PDIA5: variants seen among roughly 807,000 people sequenced by gnomAD.
The protein encoded by PDIA5 is protein disulfide-isomerase A5.
A neutral mutation model predicts 77.6 loss-of-function variants in PDIA5; 58 were observed. That is an observed-to-expected ratio of 0.75 (90% CI 0.61 to 0.93). The LOEUF (loss-of-function observed/expected upper bound fraction) is 0.93. PDIA5 is among the 40% of genes least tolerant of loss of function. The probability of loss-of-function intolerance (pLI) is 0.00; values close to 1 mark genes in which losing one functional copy is unlikely to be tolerated. For missense variants in PDIA5, 630 were observed against 647.7 expected (o/e 0.97, Z 0.30); for synonymous variants, 250 against 252.1 (o/e 0.99, Z 0.08).
chr3:123,069,338 A>C (rs1288479353), intron 1 of PDIA5, among the ~76,000 whole-genome samples: 3 of 152,160 alleles, frequency 2.0e-5, no homozygotes, highest in African/African-American at 7.2e-5. Flanking sequence ...AGGGATATAC[A>C]CCCACCACAT....
At chr3:123,111,074 G>GT in intron 7 of PDIA5, 70 bp downstream of exon 7, 1 of 938,770 alleles carries the variant, frequency 1.1e-6, no homozygotes, top group Non-Finnish European at 1.7e-6. Context: ...GCAGGTGGGG[G>GT]TTGCGGGCGG....
intron 15 of PDIA5, among the ~76,000 whole-genome samples, chr3:123,157,006 C>T (rs1936036139): frequency 6.6e-6 from 1 of 152,170 alleles, no homozygotes; most frequent in Admixed American, 6.5e-5. Context: ...CCTTGATGCT[C>T]CCCTCCGCTT....
intron 1 of PDIA5, among the ~76,000 whole-genome samples, chr3:123,069,001 C>G (rs1221416577): frequency 6.6e-6 from 1 of 152,150 alleles, no homozygotes; most frequent in Non-Finnish European, 1.5e-5. Flanking sequence ...CCAGGAGGTG[C>G]GGAAGAGCAG....
intron 8 of PDIA5, among the ~76,000 whole-genome samples, chr3:123,123,065 A>C (rs1935156913): frequency 6.6e-6 from 1 of 152,174 alleles, no homozygotes; most frequent in African/African-American, 2.4e-5. Flanking sequence ...GCTTGAGCCC[A>C]GGAGTTGGAA....
intron 4 of PDIA5, 112 bp from the exon 5 acceptor site, chr3:123,102,639 A>C: frequency 1.8e-6 from 2 of 1,111,634 alleles, no homozygotes; most frequent in Non-Finnish European, 1.3e-6. Flanking sequence ...TTTAAAAAAA[A>C]ATCCTGAACT....
intron 5 of PDIA5, among the ~76,000 whole-genome samples, chr3:123,106,296 A>AGTTTT (rs1934731133): frequency 6.6e-6 from 1 of 152,240 alleles, no homozygotes; most frequent in Non-Finnish European, 1.5e-5. Context: ...ATGGGATGAC[A>AGTTTT]GTTTTAGTGG....
intron 15 of PDIA5, among the ~76,000 whole-genome samples, chr3:123,157,374 G>A (rs184111265): frequency 4.9e-4 from 74 of 152,284 alleles, no homozygotes; most frequent in Non-Finnish European, 1.2e-4. Context: ...GGAAATTTGT[G>A]GTTTTTAAGA....
intron 4 of PDIA5, 41 bp from the exon 5 acceptor site, chr3:123,102,710 A>T (rs374764585): frequency 1.0e-5 from 15 of 1,497,206 alleles, no homozygotes; most frequent in Non-Finnish European, 1.4e-5. Flanking sequence ...TATCTTCACA[A>T]CCATTCTTAA....
Position 123,067,218 on chromosome 3 carries a change from G to A in PDIA5, c.42+12G>A. Reference sequence around the variant, plus strand: ...TGCTGGCAATCTGGGTGAGACTGTGGGGCAGGGATCCGGGCCGGGCCAGCA... The same window carrying A: ...TGCTGGCAATCTGGGTGAGACTGTGAGGCAGGGATCCGGGCCGGGCCAGCA... On this transcript the variant is annotated intron_variant, in intron 1 of 16. Transcript: ENST00000316218. 1 of 1,245,504 alleles carries A rather than the reference G, an allele frequency of 8.0e-7. No homozygotes were observed. Among genetic ancestry groups the A allele is most frequent in the South Asian group, 4.0e-5 (1 of 24,890 alleles). 77.2% of individuals were successfully genotyped at this position (1,245,504 alleles called of 1,614,324 possible).
At chr3:123,097,142 T>C (rs1934464664) in intron 3 of PDIA5, among the ~76,000 whole-genome samples, 1 of 152,236 alleles carries the variant, frequency 6.6e-6, no homozygotes. Flanking sequence ...TAAAGACTTA[T>C]GTTTTTTCCT....
intron 14 of PDIA5, among the ~76,000 whole-genome samples, chr3:123,151,027 A>T (rs1030998417): frequency 1.3e-5 from 2 of 152,234 alleles, no homozygotes; most frequent in East Asian, 3.8e-4. Flanking sequence ...AGTGAGGATA[A>T]TAAAAGCTGC....
intron 14 of PDIA5, among the ~76,000 whole-genome samples, chr3:123,151,865 C>T (rs1171562944): frequency 6.8e-6 from 1 of 147,928 alleles, no homozygotes; most frequent in African/African-American, 2.5e-5. Context: ...GCCCTCCTTC[C>T]TTCCTGCCCG....
intron 10 of PDIA5, among the ~76,000 whole-genome samples, chr3:123,125,181 G>A (rs1305678587): frequency 1.3e-5 from 2 of 152,204 alleles, no homozygotes; most frequent in East Asian, 3.8e-4. Flanking sequence ...TGCGCTCTGT[G>A]TGTCACGAGT....
intron 13 of PDIA5, among the ~76,000 whole-genome samples, chr3:123,147,950 G>C (rs955732029): frequency 1.3e-5 from 2 of 152,196 alleles, no homozygotes; most frequent in African/African-American, 4.8e-5. Flanking sequence ...CAGTGCTCCA[G>C]AGTCTTGGCC....
At chr3:123,098,659 GA>G (rs1313722248) in intron 3 of PDIA5, among the ~76,000 whole-genome samples, 1 of 152,160 alleles carries the variant, frequency 6.6e-6, no homozygotes, top group Non-Finnish European at 1.5e-5. Context: ...GGTGGGGAGG[GA>G]TAGGCTGGAG....
chr3:123,107,727 AT>A (rs1276225589), intron 6 of PDIA5, among the ~76,000 whole-genome samples: 3 of 152,178 alleles, frequency 2.0e-5, no homozygotes, highest in African/African-American at 7.2e-5. Flanking sequence ...GAGAGGGTTC[AT>A]TCCTATCTCA....
intron 1 of PDIA5, among the ~76,000 whole-genome samples, chr3:123,079,830 T>C (rs998481139): frequency 6.6e-6 from 1 of 152,236 alleles, no homozygotes; most frequent in East Asian, 1.9e-4. Context: ...GATTCACTAA[T>C]GGTGTTTCTC....
At chr3:123,095,299 C>T (rs1214631301) in intron 3 of PDIA5, among the ~76,000 whole-genome samples, 2 of 152,176 alleles carry the variant, frequency 1.3e-5, no homozygotes, top group African/African-American at 4.8e-5. Context: ...CAAGTTTGTT[C>T]AGGAGAAAGC....
At chr3:123,067,332 T>TGCCC in intron 1 of PDIA5, 126 bp downstream of exon 1, 1 of 827,478 alleles carries the variant, frequency 1.2e-6, no homozygotes, top group Non-Finnish European at 1.6e-6. Flanking sequence ...GATGAGGGCG[T>TGCCC]GCATGCCAGG....
Sources: gnomAD v4.1 joint callset for allele counts (sites outside exome capture counted in the v4.1 genomes callset) on GRCh38, gnomAD v4.1.1 for gene constraint, MANE v1.5 for transcripts, NCBI Gene and HGNC (gene_info 2026-07-23, HGNC 2026-07-21) for gene names.